The following MIF4GD variants were observed in gnomAD, a reference collection of about 807,000 sequenced individuals.
The protein encoded by MIF4GD is MIF4G domain-containing protein.
In MIF4GD, 22 loss-of-function variants were observed where a neutral mutation model predicts 26.7. The observed-to-expected ratio is 0.82, with a 90% CI of 0.59 to 1.18. MIF4GD has a LOEUF of 1.18. MIF4GD is among the 50% of genes most tolerant of loss of function. MIF4GD has a pLI of 0.00. For synonymous variants in MIF4GD, 137 were observed against 111.6 expected (o/e 1.23, Z -1.43); for missense variants, 262 against 279.6 (o/e 0.94, Z 0.45).
Position 75,267,786 on chromosome 17 carries a change from C to T in MIF4GD, c.308G>A (p.Cys103Tyr), listed in dbSNP as rs1457805974. Reference sequence around the variant, plus strand: ...GATGTTGCAGATAAAGGTGACATAGCAGACCCAGCCCTGCAGGGAGCGTGC... The same window carrying T: ...GATGTTGCAGATAAAGGTGACATAGTAGACCCAGCCCTGCAGGGAGCGTGC... Reference protein sequence around the residue: ...LRARSLQGWVCYVTFICNIFD... With the variant: ...LRARSLQGWVYYVTFICNIFD... The change falls in exon 4 of 6, where the codon TGC becomes TAC. Residue 103 changes from cysteine to tyrosine, a missense_variant. Coordinates refer to ENST00000325102, the MANE Select transcript of MIF4GD (RefSeq NM_001370592.1). The T allele has an allele frequency of 6.2e-7, 1 of 1,613,806 alleles. No individual in the cohort carries two copies. The highest frequency in any genetic ancestry group is 8.5e-7 in the Non-Finnish European group (1 of 1,179,956).
Position 75,267,844 on chromosome 17 carries a change from G to A in MIF4GD, c.250C>T (p.Gln84Ter), listed in dbSNP as rs994365830. 2 of 1,614,024 alleles carry A rather than the reference G, an allele frequency of 1.2e-6. No homozygotes were observed. The highest frequency in any genetic ancestry group is 2.7e-5 in the African/African-American group (2 of 75,074). The change falls in exon 4 of 6, where the codon CAG becomes TAG. Residue 84 changes from glutamine (Q) to a stop codon, truncating the protein, a stop_gained. Transcript: ENST00000325102. LOFTEE classifies it high-confidence loss of function. ...VFRRGLLNRL[Q>*]QEYQAREQLR... ...TGCTCCCGAGCCTGGTACTCCTGCTGCAGCCGGTTGAGGAGTCCACGTCGG... is the reference window on the plus strand; with the variant it reads ...TGCTCCCGAGCCTGGTACTCCTGCTACAGCCGGTTGAGGAGTCCACGTCGG...
Position 75,269,975 on chromosome 17 carries a change from A to C in MIF4GD, c.82+139T>G, listed in dbSNP as rs76513208. 3.2e-3 allele frequency: 2,320 copies of C among 721,460 alleles called. 6 individuals are homozygous for C. The highest frequency in any genetic ancestry group is 4.7e-3 in the Non-Finnish European group (1,926 of 413,524). 44.7% of individuals were successfully genotyped at this position (721,460 alleles called of 1,614,324 possible). On this transcript the variant is annotated intron_variant, in intron 2 of 5. Transcript: ENST00000325102. Reference sequence around the variant, plus strand: ...CTCAATGTAGCTTGTCTTCCAGTTCAAGAATTACGTTGCCGACTCCTATCG... The same window carrying C: ...CTCAATGTAGCTTGTCTTCCAGTTCCAGAATTACGTTGCCGACTCCTATCG...
chr17:75,268,677 A>G (rs1403185005), intron 2 of MIF4GD, among the ~76,000 whole-genome samples: 1 of 146,562 alleles, frequency 6.8e-6, no homozygotes, highest in Non-Finnish European at 1.5e-5. Flanking sequence ...GTCTCAAAAA[A>G]AAAAAAAAAA....
rs201777064 is a variant in MIF4GD at position 75,266,746 on chromosome 17, G to A, written c.663C>T (p.Ser221=). 1.1e-5 allele frequency: 17 copies of A among 1,614,024 alleles called. No individual in the cohort carries two copies. Among genetic ancestry groups the A allele is most frequent in the African/African-American group, 6.7e-5 (5 of 74,918 alleles). ...GAAGCCCTGATCTGGAGGCCTAGTC[G>A]GAGACTTCGCTGTAGTAATACTTGT... ...AAHKYYYSEV[S]D is the part of the protein sequence containing the mutation. The change falls in exon 6 of 6, where the codon TCC becomes TCT. Residue 221 remains serine, a synonymous_variant. Transcript: ENST00000325102.
intron 2 of MIF4GD, 103 bp from the exon 3 acceptor site, chr17:75,268,295 C>T (rs1598158386): frequency 1.0e-5 from 9 of 859,558 alleles, no homozygotes; most frequent in Middle Eastern, 2.2e-4. Flanking sequence ...CACTCATATG[C>T]TTGAAGTGAA....
Position 75,270,059 on chromosome 17 carries a change from C to CA in MIF4GD, c.82+54dup. ...CAGGCTCAGCCTCTGGTGCTGCCCA[C>CA]AGGGGCCCTTCTCTGTAGCTCCTGA... On this transcript the variant is annotated intron_variant, in intron 2 of 5. Coordinates refer to ENST00000325102, the MANE Select transcript of MIF4GD (RefSeq NM_001370592.1). The surrounding 1 kb of genome is among the most constrained non-coding windows in gnomAD (Gnocchi z 5.7). 4.6e-6 allele frequency: 7 copies of CA among 1,515,462 alleles called. No individual in the cohort carries two copies. Among genetic ancestry groups the CA allele is most frequent in the Non-Finnish European group, 6.4e-6 (7 of 1,091,916 alleles). The allele number at this position is 1,515,462 out of a possible 1,614,324, so 93.9% of individuals were successfully genotyped here. A position where few individuals can be genotyped will look rare whatever the true frequency, so the allele number is the denominator to read the frequency against.
rs148919655 is a variant in MIF4GD, at chr17:75,266,631, TC to T, written c.*108del. 4,236 of 1,023,410 alleles carry T rather than the reference TC, an allele frequency of 4.1e-3. 99 individuals are homozygous for T. In the East Asian group the frequency reaches 0.047, roughly 11 times the overall value. 63.4% of individuals were successfully genotyped at this position (1,023,410 alleles called of 1,614,324 possible). On this transcript the variant is annotated 3_prime_UTR_variant, in exon 6 of 6. Coordinates refer to ENST00000325102, the MANE Select transcript of MIF4GD (RefSeq NM_001370592.1). ...TGGGAAAGTCTAGAAGGGAAGACAC[TC>T]AAAGTCTGGAAGGGAAAAGTCTTTG...
In MIF4GD at chr17:75,270,090, G is replaced by C; in HGVS notation, c.82+24C>G. 3.7e-6 allele frequency: 6 copies of C among 1,609,310 alleles called. No homozygotes were observed. The highest frequency in any genetic ancestry group is 5.1e-6 in the Non-Finnish European group (6 of 1,175,888). ...CCCTTCTCTGTAGCTCCTGACCCCA[G>C]CTCAGGAGGGGTCCCGTGCTCACCT... On this transcript the variant is annotated intron_variant, in intron 2 of 5. Coordinates refer to ENST00000325102, the MANE Select transcript of MIF4GD (RefSeq NM_001370592.1). The surrounding 1 kb of genome is among the most constrained non-coding windows in gnomAD (Gnocchi z 5.7).
intron 2 of MIF4GD, among the ~76,000 whole-genome samples, chr17:75,269,741 C>CTTTTT (rs1207377348): frequency 4.6e-5 from 5 of 107,612 alleles, no homozygotes; most frequent in East Asian, 2.4e-4. Flanking sequence ...TCTTTTCTTT[C>CTTTTT]TTTTTTTTTT....
intron 5 of MIF4GD, chr17:75,267,318 A>C (rs2077527935): frequency 1.7e-6 from 1 of 605,906 alleles, no homozygotes; most frequent in Non-Finnish European, 2.9e-6. Flanking sequence ...CTGACTGAGA[A>C]GGAAGCTACT....
intron 5 of MIF4GD, 79 bp downstream of exon 5, chr17:75,267,459 G>T: frequency 1.4e-6 from 2 of 1,400,688 alleles, no homozygotes; most frequent in Non-Finnish European, 2.0e-6. Flanking sequence ...ACCTCCGTGA[G>T]CAGTGGGCTG....
intron 2 of MIF4GD, among the ~76,000 whole-genome samples, chr17:75,268,723 T>G (rs2077600541): frequency 6.9e-6 from 1 of 144,488 alleles, no homozygotes. Flanking sequence ...GAGGGCCTGG[T>G]GTGGTGGCTC....
In MIF4GD at chr17:75,266,736, A is replaced by C. The variant is rs2077495486; in HGVS notation, c.*4T>G. 6.2e-7 allele frequency: 1 copy of C among 1,613,944 alleles called. No homozygotes were observed. Among genetic ancestry groups the C allele is most frequent in the African/African-American group, 1.3e-5 (1 of 74,936 alleles). ...TGCTGGTGAGGAAGCCCTGATCTGG[A>C]GGCCTAGTCGGAGACTTCGCTGTAG... On this transcript the variant is annotated 3_prime_UTR_variant, in exon 6 of 6. Transcript: ENST00000325102.
Position 75,266,495 on chromosome 17 carries a change from G to A in MIF4GD, c.*245C>T. ...TAGTAGTTGCACTAATGGTTACACA[G>A]TGCAGTGGCTCTTGGGAGTTGCCCT... On this transcript the variant is annotated 3_prime_UTR_variant, in exon 6 of 6. Transcript: ENST00000325102. 1 of 575,090 alleles carries A rather than the reference G, an allele frequency of 1.7e-6. No individual in the cohort carries two copies. Among genetic ancestry groups the A allele is most frequent in the Non-Finnish European group, 3.1e-6 (1 of 320,190 alleles). 35.6% of individuals were successfully genotyped at this position (575,090 alleles called of 1,614,324 possible).
rs180852678 is a variant in MIF4GD at position 75,270,319 on chromosome 17, G to A, written c.-50-74C>T. ...GGGTTCCGTCCTGCAGGCCCTGGAC[G>A]GGGCTGACGGCGCGCTCGGGACAGG... On this transcript the variant is annotated intron_variant, in intron 1 of 5. Transcript: ENST00000325102. This position sits in a 1 kb window ranked among gnomAD's most constrained non-coding sequence, Gnocchi z 5.7. 9.5e-5 allele frequency: 79 copies of A among 832,832 alleles called. No homozygotes were observed. Among genetic ancestry groups the A allele is most frequent in the South Asian group, 8.7e-4 (60 of 69,032 alleles). 51.6% of individuals were successfully genotyped at this position (832,832 alleles called of 1,614,324 possible). A position where few individuals can be genotyped will look rare whatever the true frequency, so the allele number is the denominator to read the frequency against.
At position 75,268,150 on chromosome 17, in the gene MIF4GD, A is replaced by C. The variant is rs369093882; in HGVS notation, c.125T>G (p.Val42Gly). The C allele has an allele frequency of 6.2e-7, 1 of 1,614,134 alleles. No individual in the cohort carries two copies. Among genetic ancestry groups the C allele is most frequent in the Non-Finnish European group, 8.5e-7 (1 of 1,180,048 alleles). ...CACACAGTCCTGCAGAGAATGGTCC[A>C]CAATCACATTGGCCACTTTCTCCAA... ...VDLEKVANVIVDHSLQDCVFS... is the reference protein window; with the variant it reads ...VDLEKVANVIGDHSLQDCVFS... The change falls in exon 3 of 6, where the codon GTG (valine) becomes GGG (glycine). Residue 42 changes from valine (V) to glycine (G), a missense_variant. Coordinates refer to ENST00000325102, the MANE Select transcript of MIF4GD (RefSeq NM_001370592.1).
At chr17:75,269,182 G>A (rs1346582380) in intron 2 of MIF4GD, among the ~76,000 whole-genome samples, 1 of 152,150 alleles carries the variant, frequency 6.6e-6, no homozygotes, top group Non-Finnish European at 1.5e-5. Flanking sequence ...ACTAGGTTGA[G>A]GAAGGAATAC....
rs764473423 is a variant in MIF4GD at position 75,266,694 on chromosome 17, G to A, written c.*46C>T. 7 of 1,568,986 alleles carry A rather than the reference G, an allele frequency of 4.5e-6. No homozygotes were observed. In the East Asian group the frequency reaches 6.7e-5, roughly 15 times the overall value. Reference sequence around the variant, plus strand: ...GACTCCACTGCCAGCTTTAGAGGTGGGTAGAAGAAAGGCCAGTGCTGGTGA... The same window carrying A: ...GACTCCACTGCCAGCTTTAGAGGTGAGTAGAAGAAAGGCCAGTGCTGGTGA... On this transcript the variant is annotated 3_prime_UTR_variant, in exon 6 of 6. Transcript: ENST00000325102.
Position 75,266,767 on chromosome 17 carries a change from C to T in MIF4GD, c.642G>A (p.Lys214=), listed in dbSNP as rs2077497720. ...AGWKTTPAAH[K]YYYSEVSD is the part of the protein sequence containing the mutation. ...AGTCGGAGACTTCGCTGTAGTAATA[C>T]TTGTGGGCAGCTGGCGTTGTCTTCC... Residue 214 remains lysine (K), a synonymous_variant, in exon 6 of 6, where the codon AAG becomes AAA. Coordinates refer to ENST00000325102, the MANE Select transcript of MIF4GD (RefSeq NM_001370592.1). 17 of 1,614,098 alleles carry T rather than the reference C, an allele frequency of 1.1e-5. No homozygotes were observed. Among genetic ancestry groups the T allele is most frequent in the Non-Finnish European group, 1.4e-5 (17 of 1,180,040 alleles).
Sources: allele counts gnomAD v4.1 joint callset (sites outside exome capture counted in the v4.1 genomes callset), GRCh38; gene constraint gnomAD v4.1.1; non-coding constraint Gnocchi (gnomAD v3.1); transcripts MANE v1.5; gene names NCBI Gene and HGNC (gene_info 2026-07-23, HGNC 2026-07-21).